Variants in SORCS2 observed in about 807,000 individuals in gnomAD.
SORCS2 encodes sortilin related VPS10 domain containing receptor 2.
Under a neutral mutation model 141.6 loss-of-function variants are expected in SORCS2, and 100 were observed. That is an observed-to-expected ratio of 0.71 (90% CI 0.60 to 0.83). SORCS2 has a LOEUF of 0.83. SORCS2 is among the 40% of genes least tolerant of loss of function. The pLI, the probability that SORCS2 is intolerant of heterozygous loss-of-function variation, is 0.00. For missense variants in SORCS2, 1,646 were observed against 1,560.2 expected (o/e 1.05, Z -0.93); for synonymous variants, 789 against 676.9 (o/e 1.17, Z -2.57).
At chr4:7,500,815 T>G (rs1731922563) in intron 2 of SORCS2, among the ~76,000 whole-genome samples, 1 of 152,198 alleles carries the variant, frequency 6.6e-6, no homozygotes, top group Non-Finnish European at 1.5e-5. Flanking sequence ...GACCTCCATG[T>G]ACCCCTGAGG....
intron 2 of SORCS2, among the ~76,000 whole-genome samples, chr4:7,479,846 A>G (rs778180893): frequency 6.6e-6 from 1 of 152,238 alleles, no homozygotes; most frequent in Non-Finnish European, 1.5e-5. Context: ...CCCCATTTTA[A>G]TGAGCAATTA....
At chr4:7,307,561 C>T (rs1486847254) in intron 1 of SORCS2, among the ~76,000 whole-genome samples, 2 of 152,252 alleles carry the variant, frequency 1.3e-5, no homozygotes, top group East Asian at 3.9e-4. Flanking sequence ...GGTCAGGGCT[C>T]CGCCGCCATG....
At chr4:7,215,304 C>T (rs1193636544) in intron 1 of SORCS2, among the ~76,000 whole-genome samples, 1 of 152,172 alleles carries the variant, frequency 6.6e-6, no homozygotes, top group Non-Finnish European at 1.5e-5. Flanking sequence ...ACTGGGTCCC[C>T]CAGCAGTGCC....
intron 1 of SORCS2, among the ~76,000 whole-genome samples, chr4:7,257,884 G>A (rs1315936100): frequency 1.3e-5 from 2 of 152,208 alleles, no homozygotes; most frequent in Non-Finnish European, 2.9e-5. Flanking sequence ...GGAGGAAGGC[G>A]AGGATGGGGG....
chr4:7,496,186 G>C (rs1731604229), intron 2 of SORCS2, among the ~76,000 whole-genome samples: 1 of 152,148 alleles, frequency 6.6e-6, no homozygotes. Flanking sequence ...GGAGACCAAA[G>C]CAACCTGACT....
intron 1 of SORCS2, among the ~76,000 whole-genome samples, chr4:7,387,965 CAG>C (rs1491014639): frequency 4.2e-4 from 62 of 148,276 alleles, no homozygotes; most frequent in African/African-American, 1.4e-3. Context: ...CACACACACA[CAG>C]ATACACAGAG....
chr4:7,543,350 T>C (rs1210347195), intron 3 of SORCS2, among the ~76,000 whole-genome samples: 2 of 152,062 alleles, frequency 1.3e-5, no homozygotes, highest in Non-Finnish European at 2.9e-5. Flanking sequence ...CACTTATCCA[T>C]CCTCCCACCC....
At chr4:7,638,647 G>A (rs576684741) in intron 4 of SORCS2, among the ~76,000 whole-genome samples, 155 bp downstream of exon 4, 11 of 152,168 alleles carry the variant, frequency 7.2e-5, no homozygotes, top group South Asian at 2.1e-4. Flanking sequence ...GCTGGACCCC[G>A]TCATCGCCCT....
chr4:7,559,273 A>G (rs922068820), intron 3 of SORCS2, among the ~76,000 whole-genome samples: 4 of 152,012 alleles, frequency 2.6e-5, no homozygotes, highest in African/African-American at 7.2e-5. Flanking sequence ...TGAAGCCCCT[A>G]CAAGCTCCCC....
At chr4:7,372,692 G>A (rs1223711632) in intron 1 of SORCS2, among the ~76,000 whole-genome samples, 1 of 152,180 alleles carries the variant, frequency 6.6e-6, no homozygotes, top group African/African-American at 2.4e-5. Flanking sequence ...TTGAGATAAA[G>A]AACATTTCCC....
chr4:7,277,880 C>G (rs931646823), intron 1 of SORCS2, among the ~76,000 whole-genome samples: 1 of 152,168 alleles, frequency 6.6e-6, no homozygotes, highest in Admixed American at 6.5e-5. Flanking sequence ...GCAGGAGATT[C>G]TGCAGCTCTG....
chr4:7,650,817 G>C (rs557786387), intron 4 of SORCS2, among the ~76,000 whole-genome samples: 2 of 150,112 alleles, frequency 1.3e-5, no homozygotes, highest in South Asian at 4.2e-4. Flanking sequence ...CGGCGCCAGC[G>C]ACCTCTCCTG....
At chr4:7,553,339 C>CA (rs1409075282) in intron 3 of SORCS2, among the ~76,000 whole-genome samples, 1 of 151,776 alleles carries the variant, frequency 6.6e-6, no homozygotes, top group African/African-American at 2.4e-5. Context: ...AATTTTTCAT[C>CA]AAAAAAGGAA....
At chr4:7,399,905 C>T (rs911001239) in intron 2 of SORCS2, among the ~76,000 whole-genome samples, 26 of 152,254 alleles carry the variant, frequency 1.7e-4, no homozygotes, top group African/African-American at 5.1e-4. Context: ...TCAGACTCCA[C>T]GGGCACTCGA....
chr4:7,247,895 A>C (rs992392618), intron 1 of SORCS2, among the ~76,000 whole-genome samples: 2 of 152,124 alleles, frequency 1.3e-5, no homozygotes, highest in Admixed American at 1.3e-4. Flanking sequence ...GACAGCTCCC[A>C]CTCAGATCCT....
At chr4:7,686,547 A>G (rs1294215754) in intron 10 of SORCS2, among the ~76,000 whole-genome samples, 1 of 152,192 alleles carries the variant, frequency 6.6e-6, no homozygotes, top group Non-Finnish European at 1.5e-5. Flanking sequence ...AGCATTCTGC[A>G]TGCACTCCCA....
rs1317490423 is a variant in SORCS2 at position 7,433,224 on chromosome 4, A to T, written c.548+36869A>T. 3 of 1,278,620 alleles carry T rather than the reference A, an allele frequency of 2.3e-6. No individual in the cohort carries two copies. In the Admixed American group the frequency reaches 1.1e-4, roughly 47 times the overall value. The allele number at this position is 1,278,620 out of a possible 1,614,324, so 79.2% of individuals were successfully genotyped here. A position where few individuals can be genotyped will look rare whatever the true frequency, so the allele number is the denominator to read the frequency against. On this transcript the variant is annotated intron_variant, in intron 2 of 26. Transcript: ENST00000507866. ...GCTCCTTCCCAGCCTCCCTCCTCAG[A>T]GCTTCAGTTTTTCATTTGTGAAATG...
intron 1 of SORCS2, among the ~76,000 whole-genome samples, chr4:7,362,914 T>TCATCAC (rs913632766): frequency 2.0e-4 from 29 of 145,120 alleles, no homozygotes; most frequent in Non-Finnish European, 1.2e-4. Context: ...ATTACTATCA[T>TCATCAC]CATCACCATC....
chr4:7,598,159 G>T (rs1210147663), intron 3 of SORCS2, among the ~76,000 whole-genome samples: 3 of 151,938 alleles, frequency 2.0e-5, no homozygotes, highest in African/African-American at 7.2e-5. Flanking sequence ...AGAAGAGACG[G>T]GGTTTCACCA....
Sources: gnomAD v4.1 joint callset for allele counts (sites outside exome capture counted in the v4.1 genomes callset) on GRCh38, gnomAD v4.1.1 for gene constraint, MANE v1.5 for transcripts, NCBI Gene and HGNC (gene_info 2026-07-23, HGNC 2026-07-21) for gene names.